Variants in SEC22A observed in about 807,000 individuals in gnomAD.
The protein encoded by SEC22A is vesicle-trafficking protein SEC22a.
Under a neutral mutation model 35.3 loss-of-function variants are expected in SEC22A, and 22 were observed. The ratio of observed to expected loss-of-function variants is 0.62; its 90% CI spans 0.45 to 0.89. The LOEUF (loss-of-function observed/expected upper bound fraction) is 0.89. SEC22A is among the 40% of genes least tolerant of loss of function. SEC22A has a pLI of 0.00. For missense variants in SEC22A, 354 were observed against 362.5 expected (o/e 0.98, Z 0.19); for synonymous variants, 119 against 129.5 (o/e 0.92, Z 0.55).
At chr3:123,244,099 T>C (rs1479793682) in intron 4 of SEC22A, 1 of 151,186 alleles carries the variant, frequency 6.6e-6, no homozygotes, top group Non-Finnish European at 1.5e-5. Flanking sequence ...ATAGTGGATC[T>C]AAAATCTGTT....
intron 6 of SEC22A, among the ~76,000 whole-genome samples, chr3:123,270,484 G>GA (rs1475240753): frequency 9.9e-5 from 15 of 152,138 alleles, no homozygotes; most frequent in African/African-American, 3.6e-4. Context: ...TAGACTTTGT[G>GA]GTTCCTATAC....
At chr3:123,203,185 C>G (rs1936785266) in intron 1 of SEC22A, among the ~76,000 whole-genome samples, 1 of 144,896 alleles carries the variant, frequency 6.9e-6, no homozygotes, top group Non-Finnish European at 1.5e-5. Context: ...TTGAGTGTCT[C>G]ACAGAGTTGT....
intron 2 of SEC22A, among the ~76,000 whole-genome samples, chr3:123,211,860 G>A (rs1936943728): frequency 6.6e-6 from 1 of 152,034 alleles, no homozygotes; most frequent in South Asian, 2.1e-4. Context: ...TTGAGCCCAG[G>A]AGTTTGAGAT....
chr3:123,269,566 T>C (rs1417656810), intron 6 of SEC22A, among the ~76,000 whole-genome samples: 1 of 151,744 alleles, frequency 6.6e-6, no homozygotes, highest in African/African-American at 2.4e-5. Context: ...CACACCCAAG[T>C]TGAGGGACAT....
chr3:123,221,756 T>G (rs1275273995), intron 2 of SEC22A, among the ~76,000 whole-genome samples: 1 of 143,722 alleles, frequency 7.0e-6, no homozygotes, highest in Non-Finnish European at 1.5e-5. Context: ...TTTTAATTTC[T>G]GAATTTATTT....
intron 2 of SEC22A, among the ~76,000 whole-genome samples, chr3:123,219,399 A>G (rs190801939): frequency 2.6e-5 from 4 of 152,344 alleles, no homozygotes; most frequent in African/African-American, 7.2e-5. Context: ...ACATTGGTGA[A>G]TTAGGGATAA....
intron 4 of SEC22A, among the ~76,000 whole-genome samples, chr3:123,242,004 A>G (rs2108072640): frequency 6.6e-6 from 1 of 151,994 alleles, no homozygotes; most frequent in South Asian, 2.1e-4. Context: ...CAATAAGTCT[A>G]ATACTTTTTA....
intron 1 of SEC22A, among the ~76,000 whole-genome samples, chr3:123,206,961 G>A (rs1936864408): frequency 6.6e-6 from 1 of 152,170 alleles, no homozygotes; most frequent in Admixed American, 6.5e-5. Flanking sequence ...TGTGGCGCAT[G>A]CCTGTAATCC....
At chr3:123,203,155 A>G (rs557430429) in intron 1 of SEC22A, among the ~76,000 whole-genome samples, 15 of 138,078 alleles carry the variant, frequency 1.1e-4, no homozygotes, top group Non-Finnish European at 2.1e-4. Flanking sequence ...GTCTTATCAC[A>G]GGGGTGCCTG....
At chr3:123,209,987 A>C (rs149330079) in intron 2 of SEC22A, among the ~76,000 whole-genome samples, 160 of 152,162 alleles carry the variant, frequency 1.1e-3, no homozygotes, top group African/African-American at 3.6e-3. Context: ...AAGAGACAGA[A>C]AGAAAACCAG....
intron 6 of SEC22A, among the ~76,000 whole-genome samples, chr3:123,266,209 T>C (rs1938022614): frequency 6.6e-6 from 1 of 152,032 alleles, no homozygotes; most frequent in Non-Finnish European, 1.5e-5. Flanking sequence ...GTCTTACTTG[T>C]TAATTTTATT....
intron 6 of SEC22A, among the ~76,000 whole-genome samples, chr3:123,264,303 T>G (rs1408047993): frequency 2.0e-5 from 3 of 152,248 alleles, no homozygotes; most frequent in South Asian, 2.1e-4. Context: ...TGTGCAGACA[T>G]AAGTCTTCAG....
intron 4 of SEC22A, among the ~76,000 whole-genome samples, chr3:123,231,248 G>A (rs1937319849): frequency 2.6e-5 from 4 of 152,180 alleles, no homozygotes; most frequent in South Asian, 2.1e-4. Flanking sequence ...ATCATGGATA[G>A]AACAATTAGG....
At chr3:123,223,095 A>G (rs779567959) in intron 2 of SEC22A, among the ~76,000 whole-genome samples, 20 of 152,324 alleles carry the variant, frequency 1.3e-4, no homozygotes, top group South Asian at 8.3e-4. Flanking sequence ...GGGTGTGTCA[A>G]TGATAACTTC....
In SEC22A at chr3:123,256,754, T is replaced by C. The variant is rs943148542; in HGVS notation, c.658-2770T>C. Among the ~76,000 whole-genome samples, 16 of 133,150 alleles carry C rather than the reference T, an allele frequency of 1.2e-4. No homozygotes were observed. In the East Asian group the frequency reaches 2.0e-3, roughly 17 times the overall value. The allele number at this position is 133,150 out of a possible 152,430, so 87.4% of individuals were successfully genotyped here. On this transcript the variant is annotated intron_variant, in intron 5 of 6. Coordinates refer to ENST00000492595, the MANE Select transcript of SEC22A (RefSeq NM_012430.5). ...GGTGTGGACTTAACTCTTCTTTTTC[T>C]TTCCTTTTTTTTTTTTTTTTTTTGA... is the stretch of plus-strand genomic sequence containing the variant.
At chr3:123,227,696 C>T (rs2108052782) in intron 4 of SEC22A, among the ~76,000 whole-genome samples, 1 of 152,240 alleles carries the variant, frequency 6.6e-6, no homozygotes, top group East Asian at 1.9e-4. Flanking sequence ...GCAAAATTTT[C>T]AATTAAACTG....
chr3:123,260,828 AT>A (rs1354836055), intron 6 of SEC22A, among the ~76,000 whole-genome samples: 1 of 139,664 alleles, frequency 7.2e-6, no homozygotes, highest in African/African-American at 2.6e-5. Context: ...AAATCACTTG[AT>A]TTTCTTTTTC....
chr3:123,265,772 C>G (rs1938010659), intron 6 of SEC22A, among the ~76,000 whole-genome samples: 1 of 152,094 alleles, frequency 6.6e-6, no homozygotes, highest in Admixed American at 6.6e-5. Context: ...CTATATTGCT[C>G]CAGCACCATC....
chr3:123,245,820 G>A, intron 4 of SEC22A, 79 bp from the exon 5 acceptor site: 1 of 744,430 alleles, frequency 1.3e-6, no homozygotes, highest in Non-Finnish European at 2.4e-6. Flanking sequence ...TTTAAGTTGA[G>A]CAGTGAATTT....
Sources: allele counts gnomAD v4.1 joint callset (sites outside exome capture counted in the v4.1 genomes callset), GRCh38; gene constraint gnomAD v4.1.1; transcripts MANE v1.5; gene names NCBI Gene and HGNC (gene_info 2026-07-23, HGNC 2026-07-21).